The following GSK3B variants were observed in gnomAD, a reference collection of about 807,000 sequenced individuals.
GSK3B encodes the protein glycogen synthase kinase 3 beta, also known as glycogen synthase kinase-3 beta.
In GSK3B, 15 loss-of-function variants were observed where a neutral mutation model predicts 56.4. The observed-to-expected ratio is 0.27, with a 90% CI of 0.18 to 0.41. GSK3B has a LOEUF of 0.41. Among genes scored for constraint, GSK3B ranks in the 10% least tolerant of loss-of-function variants. The pLI is 1.00. For synonymous variants in GSK3B, 181 were observed against 188.9 expected (o/e 0.96, Z 0.34); for missense variants, 300 against 513.4 (o/e 0.58, Z 4.02).
At chr3:119,894,456 T>C (rs1186939297) in intron 7 of GSK3B, among the ~76,000 whole-genome samples, 1 of 151,934 alleles carries the variant, frequency 6.6e-6, no homozygotes, top group Non-Finnish European at 1.5e-5. Context: ...TTATGGAGAG[T>C]GTGATAATAG....
rs146288158 is a variant in GSK3B at position 119,838,318 on chromosome 3, T to C, written c.1195+4937A>G. 3.1e-3 allele frequency among the ~76,000 whole-genome samples: 471 copies of C among 152,110 alleles called. 2 individuals carry two copies. Among genetic ancestry groups the C allele is most frequent in the African/African-American group, 0.011 (456 of 41,526 alleles). On this transcript the variant is annotated intron_variant, in intron 10 of 10. Coordinates refer to ENST00000264235, the MANE Select transcript of GSK3B (RefSeq NM_001146156.2). Reference sequence around the variant, plus strand: ...AAACAAAGAAATTATACTTTAGGAATTGATAGTAGTATGGGTAATTTTCAA... The same window carrying C: ...AAACAAAGAAATTATACTTTAGGAACTGATAGTAGTATGGGTAATTTTCAA...
chr3:119,842,743 A>G (rs922192430), intron 10 of GSK3B, among the ~76,000 whole-genome samples: 1 of 152,066 alleles, frequency 6.6e-6, no homozygotes, highest in African/African-American at 2.4e-5. Context: ...GAAGATATTT[A>G]TATCTTATAT....
At chr3:120,064,347 A>C (rs2058262833) in intron 1 of GSK3B, among the ~76,000 whole-genome samples, 1 of 152,008 alleles carries the variant, frequency 6.6e-6, no homozygotes, top group Non-Finnish European at 1.5e-5. Flanking sequence ...AACACACAAA[A>C]ATCAGAATTT....
In GSK3B at chr3:119,903,699, CT is replaced by C. The variant is rs1407557378; in HGVS notation, c.813+2055del. ...TCACTTAGCTTCCTCAGAAATTCTACTTGCATTATGTATGAATTAAAATTAA... is the reference window on the plus strand; with the variant it reads ...TCACTTAGCTTCCTCAGAAATTCTACTGCATTATGTATGAATTAAAATTAA... On this transcript the variant is annotated intron_variant, in intron 7 of 10. Coordinates refer to ENST00000264235, the MANE Select transcript of GSK3B (RefSeq NM_001146156.2). Among the ~76,000 whole-genome samples the C allele has an allele frequency of 2.0e-5, 3 of 152,246 alleles. No homozygotes were observed. In the South Asian group the frequency reaches 6.2e-4, roughly 32 times the overall value.
At chr3:119,957,399 T>G (rs937726132) in intron 2 of GSK3B, among the ~76,000 whole-genome samples, 4 of 152,188 alleles carry the variant, frequency 2.6e-5, no homozygotes, top group South Asian at 2.1e-4. Context: ...AAAGGATGCC[T>G]GCATGAACTA....
chr3:120,053,951 T>A (rs188136013), intron 1 of GSK3B, among the ~76,000 whole-genome samples: 1 of 152,274 alleles, frequency 6.6e-6, no homozygotes, highest in Non-Finnish European at 1.5e-5. Context: ...CTCGCGTATG[T>A]CTTTATCAGC....
chr3:119,843,874 C>T (rs896744890), intron 9 of GSK3B, among the ~76,000 whole-genome samples: 1 of 152,136 alleles, frequency 6.6e-6, no homozygotes, highest in African/African-American at 2.4e-5. Flanking sequence ...AACATACATT[C>T]TTCTCAGCAC....
chr3:119,868,879 T>C (rs1396997406), intron 8 of GSK3B, among the ~76,000 whole-genome samples: 1 of 152,144 alleles, frequency 6.6e-6, no homozygotes, highest in Non-Finnish European at 1.5e-5. Context: ...TGAAATTATA[T>C]GCAATTTGTA....
chr3:120,031,244 T>C (rs1180485815), intron 1 of GSK3B, among the ~76,000 whole-genome samples: 1 of 152,252 alleles, frequency 6.6e-6, no homozygotes, highest in Non-Finnish European at 1.5e-5. Context: ...GGCAAACTAA[T>C]TTAGCAGATA....
Position 120,043,079 on chromosome 3 carries a change from G to A in GSK3B, c.89-40840C>T, listed in dbSNP as rs1340430853. Among the ~76,000 whole-genome samples, 15 of 152,084 alleles carry A rather than the reference G, an allele frequency of 9.9e-5. No individual in the cohort carries two copies. The East Asian group carries it at 2.5e-3, about 25-fold the overall frequency. On this transcript the variant is annotated intron_variant, in intron 1 of 10. Transcript: ENST00000264235. The stretch of plus-strand genomic sequence containing the variant: ...AAACCAAAGGTCTCTTAGCACAGGC[G>A]CTAACCCTGGAGCTCTCAGTCCATT...
At chr3:119,860,331 C>T (rs957671437) in intron 9 of GSK3B, among the ~76,000 whole-genome samples, 3 of 152,038 alleles carry the variant, frequency 2.0e-5, no homozygotes, top group African/African-American at 2.4e-5. Flanking sequence ...AGGGGGTGTG[C>T]CAAAGGTTTA....
rs547323240 is a variant in GSK3B at position 119,932,673 on chromosome 3, C to T, written c.367-9190G>A. On this transcript the variant is annotated intron_variant, in intron 3 of 10. Transcript: ENST00000264235. ...TTAAGAAAAAAAACTCACACAAACC[C>T]AGTAAAAAAAAACCATGACAATTTG... Among the ~76,000 whole-genome samples the T allele has an allele frequency of 2.0e-5, 3 of 151,278 alleles. No homozygotes were observed. In the East Asian group the frequency reaches 5.8e-4, roughly 29 times the overall value.
chr3:119,852,452 G>A (rs1329290217), intron 9 of GSK3B, among the ~76,000 whole-genome samples: 2 of 151,826 alleles, frequency 1.3e-5, no homozygotes, highest in East Asian at 1.9e-4. Context: ...GGGTTCAGGC[G>A]ATTCTCCTGC....
intron 1 of GSK3B, among the ~76,000 whole-genome samples, chr3:120,042,299 C>T (rs1250233741): frequency 6.6e-6 from 1 of 152,084 alleles, no homozygotes; most frequent in Non-Finnish European, 1.5e-5. Flanking sequence ...CTAAAGAGAG[C>T]TCAGAATAAA....
At chr3:119,909,723 T>C (rs1213667366) in intron 6 of GSK3B, among the ~76,000 whole-genome samples, 4 of 152,224 alleles carry the variant, frequency 2.6e-5, no homozygotes. Context: ...AGAAGGTCAA[T>C]GATGATTAAA....
chr3:119,920,799 G>A (rs374068363), intron 4 of GSK3B, among the ~76,000 whole-genome samples: 64 of 152,250 alleles, frequency 4.2e-4, no homozygotes, highest in African/African-American at 1.3e-3. Flanking sequence ...AAAACTCATC[G>A]ATTTTATTTG....
intron 1 of GSK3B, among the ~76,000 whole-genome samples, chr3:120,031,435 G>A (rs2057974502): frequency 6.6e-6 from 1 of 151,586 alleles, no homozygotes; most frequent in Admixed American, 6.6e-5. Context: ...GCCCTGGAAA[G>A]GCCCGTGAAA....
chr3:120,052,478 C>T (rs2058158757), intron 1 of GSK3B, among the ~76,000 whole-genome samples: 1 of 152,118 alleles, frequency 6.6e-6, no homozygotes, highest in Non-Finnish European at 1.5e-5. Context: ...CCTAAAATAG[C>T]TAGTCCACAG....
chr3:120,030,410 C>T (rs953787403), intron 1 of GSK3B, among the ~76,000 whole-genome samples: 2 of 152,204 alleles, frequency 1.3e-5, no homozygotes, highest in Non-Finnish European at 2.9e-5. Context: ...ATTCAACTCC[C>T]CACTTTGGAG....
Sources: gnomAD v4.1 joint callset for allele counts (sites outside exome capture counted in the v4.1 genomes callset) on GRCh38, gnomAD v4.1.1 for gene constraint, MANE v1.5 for transcripts, NCBI Gene and HGNC (gene_info 2026-07-23, HGNC 2026-07-21) for gene names.